FAM167A: variants seen among roughly 807,000 people sequenced by gnomAD.
FAM167A encodes protein FAM167A.
Under a neutral mutation model 14.9 loss-of-function variants are expected in FAM167A, and 23 were observed. That is an observed-to-expected ratio of 1.55 (90% CI 1.11 to 2.19). The LOEUF (loss-of-function observed/expected upper bound fraction) is 2.19. Among genes scored for constraint, FAM167A ranks in the 30% most tolerant of loss-of-function variants. The pLI, the probability that FAM167A is intolerant of heterozygous loss-of-function variation, is 0.00. For synonymous variants in FAM167A, 174 were observed against 117.7 expected (o/e 1.48, Z -3.10); for missense variants, 401 against 281.5 (o/e 1.42, Z -3.04).
chr8:11,422,785 TAGAC>T lies in FAM167A; in HGVS notation c.*1584_*1587del, dbSNP rs1804848392. 1 of 152,304 alleles carries T rather than the reference TAGAC, an allele frequency of 6.6e-6. No homozygotes were observed. The highest frequency in any genetic ancestry group is 2.4e-5 in the African/African-American group (1 of 41,426). 9.4% of individuals were successfully genotyped at this position (152,304 alleles called of 1,614,324 possible). Reference sequence around the variant, plus strand: ...GAGATTACACAGGAAGAAGTCACAGTAGACAGAGCAGCCAGATGCCGTGCGTAGA... The same window carrying T: ...GAGATTACACAGGAAGAAGTCACAGTAGAGCAGCCAGATGCCGTGCGTAGA... On this transcript the variant is annotated 3_prime_UTR_variant, in exon 3 of 3. Coordinates refer to ENST00000284486, the MANE Select transcript of FAM167A (RefSeq NM_053279.3).
intron 2 of FAM167A, among the ~76,000 whole-genome samples, chr8:11,441,242 G>A (rs1015440979): frequency 1.3e-5 from 2 of 152,214 alleles, no homozygotes; most frequent in African/African-American, 2.4e-5. Context: ...AGGGCTCAGA[G>A]CTCCCGCTTG....
At chr8:11,451,266 G>A (rs1200317990) in intron 1 of FAM167A, among the ~76,000 whole-genome samples, 2 of 152,246 alleles carry the variant, frequency 1.3e-5, no homozygotes. Context: ...AGCCGACAGT[G>A]TGGCAGCTTG....
At chr8:11,467,884 T>C (rs1330491181), upstream of FAM167A, among the ~76,000 whole-genome samples, 2 of 152,244 alleles carry the variant, frequency 1.3e-5, no homozygotes. Flanking sequence ...ACAGACCTAG[T>C]CATGCTAATG....
At chr8:11,437,117 G>A (rs1165930620) in intron 2 of FAM167A, among the ~76,000 whole-genome samples, 2 of 152,236 alleles carry the variant, frequency 1.3e-5, no homozygotes, top group African/African-American at 4.8e-5. Context: ...TTGGGCTTCA[G>A]CTGCCAGGGG....
intron 1 of FAM167A, among the ~76,000 whole-genome samples, chr8:11,453,223 A>G (rs1360771749): frequency 6.6e-6 from 1 of 152,200 alleles, no homozygotes; most frequent in African/African-American, 2.4e-5. Flanking sequence ...CCCAGGCTGG[A>G]GCGCAAGTGG....
At chr8:11,425,183 C>G (rs1805051727) in intron 2 of FAM167A, among the ~76,000 whole-genome samples, 1 of 152,150 alleles carries the variant, frequency 6.6e-6, no homozygotes, top group Non-Finnish European at 1.5e-5. Context: ...AAATTGGTTC[C>G]TAGGTACTGG....
At chr8:11,469,848 C>G (rs1472589331), upstream of FAM167A, among the ~76,000 whole-genome samples, 1 of 151,728 alleles carries the variant, frequency 6.6e-6, no homozygotes, top group Non-Finnish European at 1.5e-5. Context: ...CCACCGCACT[C>G]CAGCCTGGGC....
chr8:11,457,217 C>A (rs888925663), intron 1 of FAM167A, among the ~76,000 whole-genome samples: 2 of 151,884 alleles, frequency 1.3e-5, no homozygotes, highest in East Asian at 3.9e-4. Flanking sequence ...TCTACCCTGC[C>A]GGGTAAGCAT....
chr8:11,431,003 C>T (rs1805542741), intron 2 of FAM167A, among the ~76,000 whole-genome samples: 1 of 152,140 alleles, frequency 6.6e-6, no homozygotes, highest in African/African-American at 2.4e-5. Context: ...AACAGCATGG[C>T]GGGTCCCGGA....
At chr8:11,438,647 A>C (rs903993332) in intron 2 of FAM167A, 4 of 399,756 alleles carry the variant, frequency 1.0e-5, no homozygotes, top group Non-Finnish European at 1.9e-5. Context: ...AAGATCATCA[A>C]GTTTTGGTGT....
At position 11,441,653 on chromosome 8, in the gene FAM167A, C is replaced by T. The variant is rs182196464; in HGVS notation, c.381+2378G>A. ...CTCTACCCTGTATGAGTTCCAGCCC[C>T]GGCTCTGTGGCTCACTCATCATGTC... On this transcript the variant is annotated intron_variant, in intron 2 of 2. Transcript: ENST00000284486. Among the ~76,000 whole-genome samples, 282 of 152,272 alleles carry T rather than the reference C, an allele frequency of 1.9e-3. 2 individuals carry two copies. The highest frequency in any genetic ancestry group is 6.4e-3 in the African/African-American group (268 of 41,556).
At position 11,444,379 on chromosome 8, in the gene FAM167A, C is replaced by G. The variant is rs1431873926; in HGVS notation, c.33G>C (p.Val11=). The G allele has an allele frequency of 1.3e-6, 2 of 1,567,478 alleles. No homozygotes were observed. The highest frequency in any genetic ancestry group is 3.9e-5 in the Admixed American group (2 of 51,692). Residue 11 remains valine (V), a synonymous_variant, in exon 2 of 3, where the codon GTG becomes GTC. Coordinates refer to ENST00000284486, the MANE Select transcript of FAM167A (RefSeq NM_053279.3). MSVPQIHVEE[V]GAEEGAGAAA... is the part of the protein sequence containing the mutation. ...CTGCTCCCGCCCCCTCTTCTGCACCCACTTCTTCCACGTGGATCTGGGGCA... is the reference window on the plus strand; with the variant it reads ...CTGCTCCCGCCCCCTCTTCTGCACCGACTTCTTCCACGTGGATCTGGGGCA...
chr8:11,457,951 C>T (rs775851537), intron 1 of FAM167A, among the ~76,000 whole-genome samples: 1 of 152,212 alleles, frequency 6.6e-6, no homozygotes, highest in South Asian at 2.1e-4. Flanking sequence ...GACACTGCTG[C>T]ACCTTTTGTG....
chr8:11,474,669 G>T (rs1472527268), intron 1 of FAM167A: 3 of 152,222 alleles, frequency 2.0e-5, no homozygotes, highest in Non-Finnish European at 4.4e-5. Flanking sequence ...AACACACAGA[G>T]AAATCACTTC....
At chr8:11,463,416 C>G (rs1232896842) in intron 1 of FAM167A, among the ~76,000 whole-genome samples, 2 of 152,230 alleles carry the variant, frequency 1.3e-5, no homozygotes, top group Non-Finnish European at 2.9e-5. Context: ...CAGAACCTTC[C>G]TGGGTGGCCA....
chr8:11,470,450 A>G (rs908848844), upstream of FAM167A, among the ~76,000 whole-genome samples: 2 of 152,196 alleles, frequency 1.3e-5, no homozygotes, highest in Non-Finnish European at 2.9e-5. Flanking sequence ...GGGAGATGAC[A>G]TCAGAGACAG....
intron 2 of FAM167A, chr8:11,438,486 T>A (rs1260586977): frequency 2.2e-6 from 1 of 457,272 alleles, no homozygotes; most frequent in African/African-American, 2.0e-5. Context: ...CCGATTACAT[T>A]GGCAAGGGAG....
intron 1 of FAM167A, among the ~76,000 whole-genome samples, chr8:11,449,027 C>G (rs1394344971): frequency 6.6e-6 from 1 of 152,244 alleles, no homozygotes; most frequent in Non-Finnish European, 1.5e-5. Flanking sequence ...TATTTTAGAG[C>G]AGGTGGTCAC....
intron 2 of FAM167A, among the ~76,000 whole-genome samples, chr8:11,432,438 C>T (rs1467071320): frequency 6.6e-6 from 1 of 152,210 alleles, no homozygotes; most frequent in Non-Finnish European, 1.5e-5. Context: ...CAAAAGAAGA[C>T]ATTTATGTAG....
Sources: allele counts gnomAD v4.1 joint callset (sites outside exome capture counted in the v4.1 genomes callset), GRCh38; gene constraint gnomAD v4.1.1; transcripts MANE v1.5; gene names NCBI Gene and HGNC (gene_info 2026-07-23, HGNC 2026-07-21).